Variants in RIN3 observed in about 807,000 individuals in gnomAD.
RIN3 encodes Ras and Rab interactor 3, also known as RAB5 interacting protein 3.
Under a neutral mutation model 76.3 loss-of-function variants are expected in RIN3, and 54 were observed. The observed-to-expected ratio is 0.71, with a 90% CI of 0.57 to 0.89. RIN3 has a LOEUF of 0.89. Among genes scored for constraint, RIN3 ranks in the 40% least tolerant of loss-of-function variants. The pLI is 0.00. For synonymous variants in RIN3, 576 were observed against 564.0 expected (o/e 1.02, Z -0.30); for missense variants, 1,256 against 1,322.1 (o/e 0.95, Z 0.78).
intron 2 of RIN3, among the ~76,000 whole-genome samples, chr14:92,572,161 C>T (rs2140052783): frequency 6.6e-6 from 1 of 152,316 alleles, no homozygotes; most frequent in African/African-American, 2.4e-5. Context: ...GTCTTGTGTC[C>T]GTCCCTTCTC....
chr14:92,615,738 T>A (rs1885934383), intron 4 of RIN3: 1 of 487,950 alleles, frequency 2.0e-6, no homozygotes, highest in African/African-American at 1.9e-5. Context: ...TCCTGTATCA[T>A]CAGCTTCAAG....
chr14:92,676,393 C>T, intron 7 of RIN3, 82 bp from the exon 8 acceptor site: 2 of 1,523,170 alleles, frequency 1.3e-6, no homozygotes, highest in Non-Finnish European at 9.0e-7. Context: ...ACTCAGCAAA[C>T]CACTGTCCCC....
chr14:92,561,055 A>ATATATATATCTC lies in RIN3; in HGVS notation c.249+5101_249+5102insATATATATCTCT, dbSNP rs71123360. ...AAAAAAAAAAAAAAAATATATATAT[A>ATATATATATCTC]TCTGCCATATATATGCCATAAATAT... is the stretch of plus-strand genomic sequence containing the variant. On this transcript the variant is annotated intron_variant, in intron 2 of 9. Transcript: ENST00000216487. 6.7e-3 allele frequency among the ~76,000 whole-genome samples: 529 copies of ATATATATATCTC among 79,152 alleles called. 32 individuals are homozygous for ATATATATATCTC. Among genetic ancestry groups the ATATATATATCTC allele is most frequent in the Non-Finnish European group, 0.01 (419 of 40,394 alleles). 51.9% of individuals were successfully genotyped at this position (79,152 alleles called of 152,430 possible). A position where few individuals can be genotyped will look rare whatever the true frequency, so the allele number is the denominator to read the frequency against.
Position 92,555,755 on chromosome 14 carries a change from G to C in RIN3, c.49G>C (p.Val17Leu), listed in dbSNP as rs757680323. ...APARGDPTGP[V>L]PVVGKGEEEE... ...TCATTGAATTCTGTTTTTCAGTCCG[G>C]TTCCAGTTGTTGGCAAAGGAGAGGA... is the stretch of plus-strand genomic sequence containing the variant. Residue 17 changes from valine to leucine, a missense_variant, in exon 2 of 10, where the codon GTT becomes CTT. By Grantham distance (32) the Val-to-Leu change is conservative. Transcript: ENST00000216487. 3 of 1,614,152 alleles carry C rather than the reference G, an allele frequency of 1.9e-6. No homozygotes were observed. Among genetic ancestry groups the C allele is most frequent in the Non-Finnish European group, 2.5e-6 (3 of 1,180,030 alleles).
At chr14:92,608,068 G>A (rs554792872) in intron 3 of RIN3, among the ~76,000 whole-genome samples, 20 of 152,190 alleles carry the variant, frequency 1.3e-4, no homozygotes, top group Non-Finnish European at 2.9e-4. Context: ...CTGTGGTGTT[G>A]GATGAGCTAA....
intron 1 of RIN3, among the ~76,000 whole-genome samples, chr14:92,542,927 A>G (rs1402164028): frequency 1.3e-5 from 2 of 152,064 alleles, no homozygotes; most frequent in African/African-American, 4.8e-5. Flanking sequence ...CTCGGGCTAG[A>G]GGGAAGGGGG....
intron 1 of RIN3, among the ~76,000 whole-genome samples, chr14:92,545,252 G>C (rs923008377): frequency 6.6e-6 from 1 of 151,840 alleles, no homozygotes; most frequent in Non-Finnish European, 1.5e-5. Flanking sequence ...TGGGACTACA[G>C]GCACCTGCCA....
intron 4 of RIN3, among the ~76,000 whole-genome samples, chr14:92,622,044 G>A (rs1426111751): frequency 4.6e-5 from 7 of 152,182 alleles, no homozygotes; most frequent in Admixed American, 3.9e-4. Flanking sequence ...CATTAACCAG[G>A]CTCCTTGCTC....
intron 3 of RIN3, among the ~76,000 whole-genome samples, chr14:92,588,214 CTTTTTTTTTTTTTTTTTTT>C (rs141155255): frequency 8.5e-5 from 5 of 58,760 alleles, no homozygotes; most frequent in East Asian, 5.1e-4. Context: ...CCATAGCACT[CTTTTTTTTTTTTTTTTTTT>C]TTTTTTTTTT....
At position 92,664,616 on chromosome 14, in the gene RIN3, C is replaced by G. The variant is rs185212758; in HGVS notation, c.2335+5147C>G. On this transcript the variant is annotated intron_variant, in intron 7 of 9. Transcript: ENST00000216487. ...CGATCTCCTGACCTCGTGTTCTGCCCGCCTCGGCCTCCCAAAGTGCTGGGA... is the reference window on the plus strand; with the variant it reads ...CGATCTCCTGACCTCGTGTTCTGCCGGCCTCGGCCTCCCAAAGTGCTGGGA... 1.3e-3 allele frequency among the ~76,000 whole-genome samples: 201 copies of G among 151,992 alleles called. 6 individuals are homozygous for G. The East Asian group carries it at 0.034, about 26-fold the overall frequency.
At chr14:92,578,430 T>TCTCCTC (rs1447997976) in intron 3 of RIN3, among the ~76,000 whole-genome samples, 1 of 152,078 alleles carries the variant, frequency 6.6e-6, no homozygotes, top group Non-Finnish European at 1.5e-5. Flanking sequence ...GTGCCAGCTT[T>TCTCCTC]CTCCTCCTCG....
In RIN3 at chr14:92,688,837, C is replaced by T; in HGVS notation, c.*585C>T. 1 of 154,414 alleles carries T rather than the reference C, an allele frequency of 6.5e-6. No individual in the cohort carries two copies. Among genetic ancestry groups the T allele is most frequent in the East Asian group, 1.9e-4 (1 of 5,214 alleles). The allele number at this position is 154,414 out of a possible 1,614,324, so 9.6% of individuals were successfully genotyped here. A position where few individuals can be genotyped will look rare whatever the true frequency, so the allele number is the denominator to read the frequency against. On this transcript the variant is annotated 3_prime_UTR_variant, in exon 10 of 10. Transcript: ENST00000216487. ...CGGCAAGAAGCAGCTAGACACACGCCAGGGCGCCAAGCACGGCCAGCTCCG... is the reference window on the plus strand; with the variant it reads ...CGGCAAGAAGCAGCTAGACACACGCTAGGGCGCCAAGCACGGCCAGCTCCG...
intron 3 of RIN3, among the ~76,000 whole-genome samples, chr14:92,604,990 A>ACTTCCACCTC (rs912337942): frequency 2.2e-5 from 3 of 133,496 alleles, no homozygotes; most frequent in Admixed American, 1.7e-4. Flanking sequence ...CCTCATTGCA[A>ACTTCCACCTC]CTTCCACCTC....
intron 1 of RIN3, among the ~76,000 whole-genome samples, chr14:92,544,540 G>C (rs1429452935): frequency 1.3e-5 from 2 of 151,862 alleles, no homozygotes; most frequent in East Asian, 3.9e-4. Flanking sequence ...GGGACTCTCT[G>C]ACTTCTGAAC....
At chr14:92,590,645 ATAT>A (rs1454482814) in intron 3 of RIN3, among the ~76,000 whole-genome samples, 3 of 152,158 alleles carry the variant, frequency 2.0e-5, no homozygotes, top group Non-Finnish European at 4.4e-5. Flanking sequence ...CCAGTCTCAG[ATAT>A]TTCTTTATAG....
rs1373744570 is a variant in RIN3, at chr14:92,681,963, T to C, written c.2468-3024T>C. On this transcript the variant is annotated intron_variant, in intron 8 of 9. Transcript: ENST00000216487. This position sits in a 1 kb window ranked among gnomAD's most constrained non-coding sequence, Gnocchi z 4.7. ...GTGCAGTGGCCTGATCTCAGCTCAC[T>C]GCAACCTCTGCCTCTCAGGTTCAAG... Among the ~76,000 whole-genome samples the C allele has an allele frequency of 1.3e-5, 2 of 152,214 alleles. No homozygotes were observed. The highest frequency in any genetic ancestry group is 1.3e-4 in the Admixed American group (2 of 15,284).
At chr14:92,537,454 G>C (rs1432019419) in intron 1 of RIN3, among the ~76,000 whole-genome samples, 1 of 152,092 alleles carries the variant, frequency 6.6e-6, no homozygotes, top group Non-Finnish European at 1.5e-5. Flanking sequence ...AATCCAGTGA[G>C]CACTTTTGTC....
intron 3 of RIN3, among the ~76,000 whole-genome samples, chr14:92,581,381 A>G (rs2140064565): frequency 6.6e-6 from 1 of 152,316 alleles, no homozygotes; most frequent in East Asian, 1.9e-4. Flanking sequence ...TCGGAAACCC[A>G]AGAGCCAGCT....
At chr14:92,603,699 G>A (rs1305144628) in intron 3 of RIN3, among the ~76,000 whole-genome samples, 1 of 152,168 alleles carries the variant, frequency 6.6e-6, no homozygotes, top group Admixed American at 6.5e-5. Flanking sequence ...CTGGCATGGG[G>A]TTGTCTGCTC....
Sources: allele counts gnomAD v4.1 joint callset (sites outside exome capture counted in the v4.1 genomes callset), GRCh38; gene constraint gnomAD v4.1.1; non-coding constraint Gnocchi (gnomAD v3.1); transcripts MANE v1.5; gene names NCBI Gene and HGNC (gene_info 2026-07-23, HGNC 2026-07-21).